The following C7orf57 variants were observed in gnomAD, a reference collection of about 807,000 sequenced individuals.
C7orf57 encodes the protein chromosome 7 open reading frame 57.
A neutral mutation model predicts 39.0 loss-of-function variants in C7orf57; 33 were observed. That is an observed-to-expected ratio of 0.85 (90% CI 0.64 to 1.13). The LOEUF (loss-of-function observed/expected upper bound fraction) is 1.13. Ranked by LOEUF, C7orf57 falls within the 50% of genes most tolerant of loss-of-function variation. C7orf57 has a pLI of 0.00. For synonymous variants in C7orf57, 124 were observed against 137.1 expected, an observed-to-expected ratio of 0.90 and a Z score of 0.67; for missense variants, 346 against 362.3, an observed-to-expected ratio of 0.95 and a Z score of 0.37.
At chr7:48,049,554 T>C (rs2128794991) in intron 5 of C7orf57, among the ~76,000 whole-genome samples, 1 of 152,278 alleles carries the variant, frequency 6.6e-6, no homozygotes, top group Middle Eastern at 3.4e-3. Context: ...TACAAAAGCG[T>C]ACAGGTGCTT....
chr7:48,041,266 C>A, intron 2 of C7orf57, 68 bp from the exon 3 acceptor site: 1 of 1,424,802 alleles, frequency 7.0e-7, no homozygotes, highest in Non-Finnish European at 9.6e-7. Context: ...TAGAGATACT[C>A]TGGTAGAGGC....
intron 2 of C7orf57, among the ~76,000 whole-genome samples, chr7:48,038,736 T>G (rs906507593): frequency 6.6e-6 from 1 of 152,146 alleles, no homozygotes; most frequent in African/African-American, 2.4e-5. Flanking sequence ...GTGCCCAAGA[T>G]GGTTGAGTCA....
rs368777872 is a variant in C7orf57 at position 48,043,604 on chromosome 7, G to T, written c.350+15G>T. On this transcript the variant is annotated intron_variant, in intron 4 of 8. Coordinates refer to ENST00000348904, the MANE Select transcript of C7orf57 (RefSeq NM_001100159.3). ...AGCCAGCAAGAGTAAGTACCTTAAA[G>T]CACTCACATTTTTGTTTATCTTTAC... 197 of 1,597,948 alleles carry T rather than the reference G, an allele frequency of 1.2e-4. No homozygotes were observed. Among genetic ancestry groups the T allele is most frequent in the Non-Finnish European group, 1.6e-4 (187 of 1,167,372 alleles).
At chr7:48,045,265 A>G (rs544365339) in intron 4 of C7orf57, among the ~76,000 whole-genome samples, 1 of 145,914 alleles carries the variant, frequency 6.9e-6, no homozygotes, top group African/African-American at 2.5e-5. Context: ...ATAACTTAAC[A>G]TGCTTTTTGT....
At chr7:48,051,704 T>C (rs1790886177) in intron 6 of C7orf57, among the ~76,000 whole-genome samples, 1 of 122,956 alleles carries the variant, frequency 8.1e-6, no homozygotes, top group Non-Finnish European at 1.9e-5. Context: ...TTTCTTTCTC[T>C]CTCTCTCTCC....
At chr7:48,044,042 G>C (rs1275470298) in intron 4 of C7orf57, among the ~76,000 whole-genome samples, 1 of 152,166 alleles carries the variant, frequency 6.6e-6, no homozygotes, top group Non-Finnish European at 1.5e-5. Context: ...GTGGGTCACG[G>C]AAGAGAACCG....
intron 7 of C7orf57, 125 bp from the exon 8 acceptor site, chr7:48,054,470 T>A (rs1013262543): frequency 3.0e-6 from 2 of 664,300 alleles, no homozygotes. Context: ...ATGTCAAGAG[T>A]GTTTTATGAC....
At position 48,046,509 on chromosome 7, in the gene C7orf57, C is replaced by A. The variant is rs201788289; in HGVS notation, c.400C>A (p.Pro134Thr). Reference sequence around the variant, plus strand: ...TTACATGGTTCATGAAGAATTTAACCCCGATCAAGCCAATGGTAGCTATGC... The same window carrying A: ...TTACATGGTTCATGAAGAATTTAACACCGATCAAGCCAATGGTAGCTATGC... ...PDYMVHEEFN[P>T]DQANGSYASR... The change falls in exon 5 of 9, where the codon CCC (proline) becomes ACC (threonine). Residue 134 changes from proline to threonine, a missense_variant. Transcript: ENST00000348904. 90 of 1,613,734 alleles carry A rather than the reference C, an allele frequency of 5.6e-5. No homozygotes were observed. Among genetic ancestry groups the A allele is most frequent in the Non-Finnish European group, 7.1e-5 (84 of 1,179,848 alleles).
At chr7:48,052,475 C>T (rs973444667) in intron 6 of C7orf57, among the ~76,000 whole-genome samples, 4 of 152,006 alleles carry the variant, frequency 2.6e-5, no homozygotes, top group African/African-American at 9.7e-5. Context: ...TTGACATGCA[C>T]TTGCTATGCT....
rs548652615 is a variant in C7orf57, at chr7:48,054,889, T to A, written c.841+283T>A. On this transcript the variant is annotated intron_variant, in intron 8 of 8. Transcript: ENST00000348904. ...GATGATTATTATTATTATTATTATTTTTTTTGAGATGGAGTCTCGCTCTGT... is the reference window on the plus strand; with the variant it reads ...GATGATTATTATTATTATTATTATTATTTTTGAGATGGAGTCTCGCTCTGT... 3.2e-4 allele frequency among the ~76,000 whole-genome samples: 48 copies of A among 151,772 alleles called. No homozygotes were observed. The South Asian group carries it at 3.5e-3, about 11-fold the overall frequency.
intron 6 of C7orf57, among the ~76,000 whole-genome samples, chr7:48,051,856 T>C (rs1414182820): frequency 1.3e-5 from 1 of 79,846 alleles, no homozygotes. Flanking sequence ...TCTTTCTTTC[T>C]TTCTTTCTTT....
chr7:48,042,062 A>G (rs1278399437), intron 3 of C7orf57, among the ~76,000 whole-genome samples: 2 of 152,262 alleles, frequency 1.3e-5, no homozygotes, highest in Non-Finnish European at 1.5e-5. Context: ...TTTGAGCTCA[A>G]TAGAAATTAC....
intron 3 of C7orf57, among the ~76,000 whole-genome samples, chr7:48,042,790 A>G (rs1790589063): frequency 1.3e-5 from 2 of 152,122 alleles, no homozygotes; most frequent in African/African-American, 4.8e-5. Context: ...TGTCCTTATG[A>G]TCAAGAAAGT....
intron 2 of C7orf57, among the ~76,000 whole-genome samples, chr7:48,038,915 T>C (rs540253700): frequency 2.0e-5 from 3 of 152,304 alleles, no homozygotes; most frequent in South Asian, 2.1e-4. Flanking sequence ...GGTTTTCTGA[T>C]TGGTAATTGG....
At chr7:48,054,670 CA>C in intron 8 of C7orf57, 64 bp downstream of exon 8, 1 of 1,380,028 alleles carries the variant, frequency 7.2e-7, no homozygotes, top group Non-Finnish European at 1.0e-6. Context: ...AATTGATGGA[CA>C]TAGTCCTGCA....
In C7orf57 at chr7:48,051,952, CTT is replaced by C. The variant is rs201842876; in HGVS notation, c.606-739_606-738del. Among the ~76,000 whole-genome samples, 17 of 109,204 alleles carry C rather than the reference CTT, an allele frequency of 1.6e-4. 1 individual carries two copies. The highest frequency in any genetic ancestry group is 5.7e-4 in the African/African-American group (17 of 29,836). 71.6% of individuals were successfully genotyped at this position (109,204 alleles called of 152,430 possible). Reference sequence around the variant, plus strand: ...TTCTTTCTCTCCTCTTTTTTTCTTTCTTTTTTTTTTCTCTCTCTCTTCTTTCT... The same window carrying C: ...TTCTTTCTCTCCTCTTTTTTTCTTTCTTTTTTTTCTCTCTCTCTTCTTTCT... On this transcript the variant is annotated intron_variant, in intron 6 of 8. Transcript: ENST00000348904.
chr7:48,055,843 C>T (rs1791100882), intron 8 of C7orf57, among the ~76,000 whole-genome samples: 2 of 152,158 alleles, frequency 1.3e-5, no homozygotes, highest in Non-Finnish European at 2.9e-5. Context: ...GTATATACCA[C>T]ATTTTTTTTC....
chr7:48,044,004 C>G (rs1460538770), intron 4 of C7orf57, among the ~76,000 whole-genome samples: 1 of 152,094 alleles, frequency 6.6e-6, no homozygotes, highest in Admixed American at 6.5e-5. Context: ...TTGGGCCATG[C>G]ATGAGTGTTA....
At chr7:48,036,077 C>T in intron 1 of C7orf57, 131 bp from the exon 2 acceptor site, 1 of 605,454 alleles carries the variant, frequency 1.7e-6, no homozygotes, top group African/African-American at 1.9e-5. Flanking sequence ...GTTTACCTGG[C>T]GTGGACATGC....
Sources: gnomAD v4.1 joint callset for allele counts (sites outside exome capture counted in the v4.1 genomes callset) on GRCh38, gnomAD v4.1.1 for gene constraint, MANE v1.5 for transcripts, NCBI Gene and HGNC (gene_info 2026-07-23, HGNC 2026-07-21) for gene names.